The following IL1RAPL2 variants were observed in gnomAD, a reference collection of about 807,000 sequenced individuals.
IL1RAPL2 encodes the protein interleukin 1 receptor accessory protein like 2, also known as X-linked interleukin-1 receptor accessory protein-like 2.
Under a neutral mutation model 44.1 loss-of-function variants are expected in IL1RAPL2, and 3 were observed. That is an observed-to-expected ratio of 0.07 (90% CI 0.03 to 0.18). The LOEUF is 0.18. Among genes scored for constraint, IL1RAPL2 ranks in the 10% least tolerant of loss-of-function variants. The probability of loss-of-function intolerance (pLI) is 1.00; values close to 1 mark genes in which losing one functional copy is unlikely to be tolerated. For synonymous variants in IL1RAPL2, 181 were observed against 178.8 expected, an observed-to-expected ratio of 1.01 and a Z score of -0.10; for missense variants, 391 against 496.4, an observed-to-expected ratio of 0.79 and a Z score of 2.02.
chrX:105,541,679 C>T (rs2036736784), intron 6 of IL1RAPL2, among the ~76,000 whole-genome samples: 2 of 110,795 alleles, frequency 1.8e-5, no homozygotes, highest in African/African-American at 6.6e-5. Context: ...CTTCCTCTTC[C>T]CTGGTTCTAG....
intron 2 of IL1RAPL2, among the ~76,000 whole-genome samples, chrX:105,003,867 A>T (rs377568713): frequency 1.8e-5 from 2 of 111,656 alleles, no homozygotes; most frequent in East Asian, 5.7e-4. Flanking sequence ...AATAATTGAC[A>T]TTAAAGTAGC....
At chrX:105,535,797 A>G (rs2036672644) in intron 6 of IL1RAPL2, among the ~76,000 whole-genome samples, 1 of 111,493 alleles carries the variant, frequency 9.0e-6, no homozygotes, top group Admixed American at 9.6e-5. Context: ...GTGTGACTAC[A>G]AAGCAGTAGC....
chrX:105,592,603 A>T (rs1330694964), intron 6 of IL1RAPL2, among the ~76,000 whole-genome samples: 1 of 111,580 alleles, frequency 9.0e-6, no homozygotes, highest in Non-Finnish European at 1.9e-5. Flanking sequence ...TCCCTTAAAG[A>T]TCTCTTGTAA....
chrX:105,047,083 C>A (rs867952966), intron 2 of IL1RAPL2, among the ~76,000 whole-genome samples: 18 of 111,260 alleles, frequency 1.6e-4, no homozygotes, highest in African/African-American at 4.9e-4. Context: ...GAACTTAACT[C>A]CCTGGATTTC....
intron 2 of IL1RAPL2, among the ~76,000 whole-genome samples, chrX:105,049,725 A>G (rs934753956): frequency 1.8e-5 from 2 of 111,863 alleles, no homozygotes; most frequent in Non-Finnish European, 3.8e-5. Flanking sequence ...CAACATTAAT[A>G]TGCTTTTATT....
At chrX:104,848,934 T>C (rs1922142126) in intron 2 of IL1RAPL2, among the ~76,000 whole-genome samples, 1 of 111,405 alleles carries the variant, frequency 9.0e-6, no homozygotes, top group Non-Finnish European at 1.9e-5. Context: ...TGTTTAATAT[T>C]TAAGATAACT....
chrX:104,745,449 TAA>T (rs2074276800), intron 2 of IL1RAPL2, among the ~76,000 whole-genome samples: 1 of 112,107 alleles, frequency 8.9e-6, no homozygotes, highest in South Asian at 3.6e-4. Context: ...TAGATAAAAA[TAA>T]AAGTTGCTTG....
At chrX:104,730,876 C>T (rs1931900524) in intron 2 of IL1RAPL2, among the ~76,000 whole-genome samples, 1 of 111,178 alleles carries the variant, frequency 9.0e-6, no homozygotes, top group African/African-American at 3.3e-5. Context: ...ACATCCTCTC[C>T]AGCACCTGTT....
chrX:105,498,890 G>A (rs1230297107), intron 6 of IL1RAPL2, among the ~76,000 whole-genome samples: 1 of 111,424 alleles, frequency 9.0e-6, no homozygotes, highest in Non-Finnish European at 1.9e-5. Flanking sequence ...AGCAGGAGGT[G>A]AGTGGCGGGC....
chrX:105,650,430 T>A (rs949774681), intron 6 of IL1RAPL2, among the ~76,000 whole-genome samples: 37 of 111,999 alleles, frequency 3.3e-4, no homozygotes, highest in African/African-American at 1.1e-3. Context: ...GTTTGTTTGC[T>A]TGTGACCAGG....
intron 3 of IL1RAPL2, among the ~76,000 whole-genome samples, chrX:105,202,809 A>G (rs1471278417): frequency 8.9e-6 from 1 of 111,805 alleles, no homozygotes; most frequent in East Asian, 2.8e-4. Context: ...CTAACTGTCC[A>G]TCTATACTAT....
intron 2 of IL1RAPL2, among the ~76,000 whole-genome samples, chrX:104,723,785 CA>C (rs1374626826): frequency 9.0e-6 from 1 of 110,980 alleles, no homozygotes; most frequent in Non-Finnish European, 1.9e-5. Context: ...TAGAAGGTAG[CA>C]AAAAATTGGT....
chrX:104,912,985 T>A (rs1472458641), intron 2 of IL1RAPL2, among the ~76,000 whole-genome samples: 2 of 111,633 alleles, frequency 1.8e-5, no homozygotes, highest in Admixed American at 1.9e-4. Flanking sequence ...TGATGCATTA[T>A]ATAAGCAAGG....
chrX:104,695,337 GAGAGAGAGAGAA>G (rs1393434309), intron 2 of IL1RAPL2, among the ~76,000 whole-genome samples: 2 of 109,571 alleles, frequency 1.8e-5, no homozygotes, highest in East Asian at 5.8e-4. Context: ...GGGGCAGCAG[GAGAGAGAGAGAA>G]AGAGAGAGAG....
At chrX:105,465,323 T>G (rs2036120340) in intron 5 of IL1RAPL2, among the ~76,000 whole-genome samples, 2 of 112,170 alleles carry the variant, frequency 1.8e-5, no homozygotes, top group Admixed American at 1.9e-4. Flanking sequence ...CTAAGAAAAG[T>G]CTTCTTTCCT....
chrX:104,621,695 T>G (rs1436643939), intron 1 of IL1RAPL2, among the ~76,000 whole-genome samples: 1 of 110,980 alleles, frequency 9.0e-6, no homozygotes, highest in Non-Finnish European at 1.9e-5. Flanking sequence ...TGATTTGGAG[T>G]GGTTATTAGC....
intron 6 of IL1RAPL2, among the ~76,000 whole-genome samples, chrX:105,678,227 C>T (rs2037890209): frequency 8.9e-6 from 1 of 112,066 alleles, no homozygotes; most frequent in Non-Finnish European, 1.9e-5. Flanking sequence ...CTTGTGAGTA[C>T]ATAGGAGGTG....
chrX:105,033,587 C>A (rs1039569696), intron 2 of IL1RAPL2, among the ~76,000 whole-genome samples: 2 of 110,510 alleles, frequency 1.8e-5, no homozygotes, highest in African/African-American at 3.3e-5. Context: ...TTCTGCAGTG[C>A]GATCAGCCGT....
At chrX:104,998,998 A>G (rs751728270) in intron 2 of IL1RAPL2, among the ~76,000 whole-genome samples, 42 of 111,163 alleles carry the variant, frequency 3.8e-4, no homozygotes, top group Non-Finnish European at 7.0e-4. Context: ...AGTGGGTCTC[A>G]CTATGTGACC....
Sources: allele counts gnomAD v4.1 joint callset (sites outside exome capture counted in the v4.1 genomes callset), GRCh38; gene constraint gnomAD v4.1.1; transcripts MANE v1.5; gene names NCBI Gene and HGNC (gene_info 2026-07-23, HGNC 2026-07-21).